Variants in AGAP1 observed in about 807,000 individuals in gnomAD.
AGAP1 encodes the protein ArfGAP with GTPase domain, ankyrin repeat and PH domain 1.
A neutral mutation model predicts 105.3 loss-of-function variants in AGAP1; 29 were observed. The observed-to-expected ratio is 0.28, with a 90% CI of 0.21 to 0.38. The LOEUF is 0.38. AGAP1 is among the 10% of genes least tolerant of loss of function. AGAP1 has a pLI of 1.00. For missense variants in AGAP1, 998 were observed against 1,165.1 expected (o/e 0.86, Z 2.09); for synonymous variants, 509 against 485.9 (o/e 1.05, Z -0.63).
chr2:235,812,327 C>G (rs1023613156), intron 9 of AGAP1, among the ~76,000 whole-genome samples: 11 of 152,322 alleles, frequency 7.2e-5, no homozygotes, highest in African/African-American at 2.6e-4. Flanking sequence ...GGGGCAAGCC[C>G]GCCGCACCCG....
chr2:236,001,388 C>T lies in AGAP1; in HGVS notation c.1645+32765C>T, dbSNP rs571064521. Among the ~76,000 whole-genome samples the T allele has an allele frequency of 6.6e-6, 1 of 152,310 alleles. No individual in the cohort carries two copies. Among genetic ancestry groups the T allele is most frequent in the East Asian group, 1.9e-4 (1 of 5,172 alleles). ...GTGCCCCCCACCCAGTCTCTGTGTC[C>T]TCTGCACAGTAGGGAGCTGGGGAAG... On this transcript the variant is annotated intron_variant, in intron 13 of 17. Transcript: ENST00000304032. The surrounding 1 kb of genome is among the most constrained non-coding windows in gnomAD (Gnocchi z 4.7).
In AGAP1 at chr2:235,728,038, T is replaced by C. The variant is rs1951737360; in HGVS notation, c.310+10394T>C. Among the ~76,000 whole-genome samples, 1 of 152,164 alleles carries C rather than the reference T, an allele frequency of 6.6e-6. No homozygotes were observed. Among genetic ancestry groups the C allele is most frequent in the Non-Finnish European group, 1.5e-5 (1 of 68,032 alleles). ...TCTCGCAACTCCCCAAAGAAAATGCTGCGTCCTTGTAAGACCGTGTCTGCC... is the reference window on the plus strand; with the variant it reads ...TCTCGCAACTCCCCAAAGAAAATGCCGCGTCCTTGTAAGACCGTGTCTGCC... On this transcript the variant is annotated intron_variant, in intron 3 of 17. Coordinates refer to ENST00000304032, the MANE Select transcript of AGAP1 (RefSeq NM_001037131.3). This position sits in a 1 kb window ranked among gnomAD's most constrained non-coding sequence, Gnocchi z 4.3.
chr2:235,560,790 T>C (rs1284838973), intron 1 of AGAP1, among the ~76,000 whole-genome samples: 3 of 152,134 alleles, frequency 2.0e-5, no homozygotes, highest in Non-Finnish European at 2.9e-5. Context: ...GACAGTGAAA[T>C]CACGTCGTTC....
intron 9 of AGAP1, among the ~76,000 whole-genome samples, chr2:235,821,473 T>C (rs1958784745): frequency 6.7e-6 from 1 of 150,188 alleles, no homozygotes; most frequent in South Asian, 2.1e-4. Context: ...AAGCTCTGCC[T>C]CCCGGGTTCA....
intron 1 of AGAP1, among the ~76,000 whole-genome samples, chr2:235,525,565 T>C (rs1037510547): frequency 1.3e-5 from 2 of 151,764 alleles, no homozygotes; most frequent in Non-Finnish European, 2.9e-5. Context: ...ATTTATAAAG[T>C]AGAGGACTGA....
chr2:235,616,428 T>G (rs184536042), intron 1 of AGAP1, among the ~76,000 whole-genome samples: 39 of 151,968 alleles, frequency 2.6e-4, no homozygotes, highest in African/African-American at 9.2e-4. Flanking sequence ...AAAGGCCCAG[T>G]GTTGGTGAAG....
chr2:236,022,569 CTG>C (rs1462116099), intron 13 of AGAP1, among the ~76,000 whole-genome samples: 7 of 152,230 alleles, frequency 4.6e-5, no homozygotes, highest in Non-Finnish European at 8.8e-5. Flanking sequence ...GAGTCTCACT[CTG>C]TTGCCCAGGC....
In AGAP1 at chr2:236,130,233, G is replaced by A. The variant is rs2060064699; in HGVS notation, c.*6111G>A. The stretch of plus-strand genomic sequence containing the variant: ...TGAATGTGAGGAGAGGCTGGCTCAG[G>A]GCTTGGTTTTCATTTTGGCCTGGCA... On this transcript the variant is annotated 3_prime_UTR_variant, in exon 18 of 18. Transcript: ENST00000304032. The surrounding 1 kb of genome is among the most constrained non-coding windows in gnomAD (Gnocchi z 5.8). The A allele has an allele frequency of 6.6e-6, 1 of 152,150 alleles. No individual in the cohort carries two copies. Among genetic ancestry groups the A allele is most frequent in the Admixed American group, 6.6e-5 (1 of 15,264 alleles). The allele number at this position is 152,150 out of a possible 1,614,324, so 9.4% of individuals were successfully genotyped here.
At chr2:235,500,187 T>C (rs539662578) in intron 1 of AGAP1, among the ~76,000 whole-genome samples, 1 of 151,974 alleles carries the variant, frequency 6.6e-6, no homozygotes, top group South Asian at 2.1e-4. Context: ...TTATGTTGGG[T>C]GTAAGTGAAT....
At chr2:236,064,265 C>G (rs1396639635) in intron 16 of AGAP1, among the ~76,000 whole-genome samples, 2 of 152,128 alleles carry the variant, frequency 1.3e-5, no homozygotes, top group Non-Finnish European at 2.9e-5. Flanking sequence ...TAGTAGCTTT[C>G]AGCCTCAAAT....
intron 6 of AGAP1, among the ~76,000 whole-genome samples, chr2:235,779,848 A>G (rs1956148971): frequency 6.6e-6 from 1 of 152,268 alleles, no homozygotes; most frequent in Non-Finnish European, 1.5e-5. Context: ...AGAACTGTGC[A>G]GCCTAAAGCC....
At chr2:235,626,967 T>C (rs149311125) in intron 1 of AGAP1, among the ~76,000 whole-genome samples, 65 of 151,530 alleles carry the variant, frequency 4.3e-4, no homozygotes, top group African/African-American at 1.3e-3. Flanking sequence ...CCACTGATAG[T>C]GGGTCATTCC....
intron 1 of AGAP1, among the ~76,000 whole-genome samples, chr2:235,532,097 T>A (rs1943063474): frequency 6.6e-6 from 1 of 152,234 alleles, no homozygotes; most frequent in Non-Finnish European, 1.5e-5. Flanking sequence ...AAAAAAGTTA[T>A]CAATGTGTTA....
At chr2:235,530,972 G>A (rs1943023810) in intron 1 of AGAP1, among the ~76,000 whole-genome samples, 1 of 152,310 alleles carries the variant, frequency 6.6e-6, no homozygotes, top group South Asian at 2.1e-4. Context: ...ACCGGTTGAG[G>A]GTAGGGGGAC....
rs1395757957 is a variant in AGAP1 at position 235,566,962 on chromosome 2, T to C, written c.163+72113T>C. On this transcript the variant is annotated intron_variant, in intron 1 of 17. Transcript: ENST00000304032. The surrounding 1 kb of genome is among the most constrained non-coding windows in gnomAD (Gnocchi z 5.2). ...TCTGGTGGCCCCTGGCAATCCTTGG[T>C]GTCCCATCCAGCTGCATCACTCCAG... Among the ~76,000 whole-genome samples the C allele has an allele frequency of 3.9e-5, 6 of 152,214 alleles. No homozygotes were observed. The highest frequency in any genetic ancestry group is 5.9e-5 in the Non-Finnish European group (4 of 68,024).
chr2:236,101,794 C>A lies in AGAP1; in HGVS notation c.2115-18398C>A, dbSNP rs2059352631. On this transcript the variant is annotated intron_variant, in intron 16 of 17. Coordinates refer to ENST00000304032, the MANE Select transcript of AGAP1 (RefSeq NM_001037131.3). This position sits in a 1 kb window ranked among gnomAD's most constrained non-coding sequence, Gnocchi z 4.9. ...TTACGCGGAGTCTAGGACGGCCTCA[C>A]CCCGCTGGCTCGGGCTCCCTCTCAC... Among the ~76,000 whole-genome samples, 1 of 152,240 alleles carries A rather than the reference C, an allele frequency of 6.6e-6. No homozygotes were observed. Among genetic ancestry groups the A allele is most frequent in the African/African-American group, 2.4e-5 (1 of 41,470 alleles).
chr2:235,536,511 G>A, intron 1 of AGAP1, among the ~76,000 whole-genome samples: 1 of 133,320 alleles, frequency 7.5e-6, no homozygotes, highest in Non-Finnish European at 1.6e-5. Flanking sequence ...GGACTCTGGG[G>A]TTTGTGTGTG....
chr2:235,611,649 T>C lies in AGAP1; in HGVS notation c.164-97530T>C, dbSNP rs1355891192. ...GCCCAGGGAGGCTTGGATCTTTAGATTGATAAGCAGGATAGTAAACCAGTT... is the reference window on the plus strand; with the variant it reads ...GCCCAGGGAGGCTTGGATCTTTAGACTGATAAGCAGGATAGTAAACCAGTT... On this transcript the variant is annotated intron_variant, in intron 1 of 17. Coordinates refer to ENST00000304032, the MANE Select transcript of AGAP1 (RefSeq NM_001037131.3). This position sits in a 1 kb window ranked among gnomAD's most constrained non-coding sequence, Gnocchi z 5.0. Among the ~76,000 whole-genome samples the C allele has an allele frequency of 1.3e-5, 2 of 152,176 alleles. No individual in the cohort carries two copies. Among genetic ancestry groups the C allele is most frequent in the East Asian group, 1.9e-4 (1 of 5,196 alleles).
chr2:235,656,043 T>G (rs941460349), intron 1 of AGAP1, among the ~76,000 whole-genome samples: 5 of 152,188 alleles, frequency 3.3e-5, no homozygotes, highest in Non-Finnish European at 7.3e-5. Flanking sequence ...CCATCGCACG[T>G]TTCTTCCTTC....
Sources: allele counts gnomAD v4.1 joint callset (sites outside exome capture counted in the v4.1 genomes callset), GRCh38; gene constraint gnomAD v4.1.1; non-coding constraint Gnocchi (gnomAD v3.1); transcripts MANE v1.5; gene names NCBI Gene and HGNC (gene_info 2026-07-23, HGNC 2026-07-21).